Variants in PRORP observed in about 807,000 individuals in gnomAD.
PRORP encodes mitochondrial ribonuclease P catalytic subunit.
PRORP carries 51 observed loss-of-function variants against 59.4 expected under a neutral mutation model. The observed-to-expected ratio is 0.86, with a 90% CI of 0.69 to 1.08. The LOEUF (loss-of-function observed/expected upper bound fraction) is 1.08, where lower values mean the gene tolerates loss of function less well. PRORP is among the 50% of genes least tolerant of loss of function. The probability of loss-of-function intolerance (pLI) is 0.00; values close to 1 mark genes in which losing one functional copy is unlikely to be tolerated. For missense variants in PRORP, 646 were observed against 690.3 expected (o/e 0.94, Z 0.72); for synonymous variants, 231 against 245.6 (o/e 0.94, Z 0.55).
chr14:35,207,638 C>G (rs2049327719), intron 5 of PRORP, among the ~76,000 whole-genome samples: 1 of 152,164 alleles, frequency 6.6e-6, no homozygotes, highest in African/African-American at 2.4e-5. Flanking sequence ...ACAGCTGTCT[C>G]CTTAGATTCT....
At chr14:35,180,476 T>C (rs1176778179) in intron 4 of PRORP, among the ~76,000 whole-genome samples, 194 bp from the exon 5 acceptor site, 4 of 152,138 alleles carry the variant, frequency 2.6e-5, no homozygotes, top group Non-Finnish European at 5.9e-5. Context: ...GATAATTGTA[T>C]GCAGTTGCAT....
intron 5 of PRORP, among the ~76,000 whole-genome samples, chr14:35,217,596 G>GT (rs201853079): frequency 4.0e-5 from 6 of 151,104 alleles, no homozygotes; most frequent in African/African-American, 7.3e-5. Flanking sequence ...TTACATTTAG[G>GT]TTTTTTTTCT....
At chr14:35,146,297 G>A (rs897433039) in intron 4 of PRORP, among the ~76,000 whole-genome samples, 3 of 152,192 alleles carry the variant, frequency 2.0e-5, no homozygotes, top group Non-Finnish European at 4.4e-5. Flanking sequence ...TTAGGGTTAA[G>A]TTTAAAGCAA....
At chr14:35,196,023 T>C (rs1465192319) in intron 5 of PRORP, among the ~76,000 whole-genome samples, 1 of 152,224 alleles carries the variant, frequency 6.6e-6, no homozygotes, top group Non-Finnish European at 1.5e-5. Context: ...AATTGTAAGC[T>C]TCTCCCTAGG....
At chr14:35,216,236 T>C (rs2049590318) in intron 5 of PRORP, among the ~76,000 whole-genome samples, 1 of 148,246 alleles carries the variant, frequency 6.7e-6, no homozygotes, top group South Asian at 2.1e-4. Flanking sequence ...TCCCATAAAA[T>C]TGAGAAAATA....
intron 4 of PRORP, among the ~76,000 whole-genome samples, chr14:35,147,073 G>A (rs2047629884): frequency 6.6e-6 from 1 of 152,078 alleles, no homozygotes. Context: ...ACTCCAGCCT[G>A]GGAGACAGAG....
At chr14:35,170,194 G>T (rs747858625) in intron 4 of PRORP, among the ~76,000 whole-genome samples, 3 of 152,054 alleles carry the variant, frequency 2.0e-5, no homozygotes, top group Non-Finnish European at 4.4e-5. Context: ...CTGTATTAAA[G>T]ATAAGTACAT....
intron 5 of PRORP, among the ~76,000 whole-genome samples, chr14:35,264,711 T>C (rs1322461362): frequency 6.6e-6 from 1 of 151,992 alleles, no homozygotes; most frequent in Admixed American, 6.6e-5. Flanking sequence ...CCAGGCACAG[T>C]GGCTCACGCC....
chr14:35,125,136 C>T (rs1238587601), intron 2 of PRORP, among the ~76,000 whole-genome samples: 1 of 152,096 alleles, frequency 6.6e-6, no homozygotes, highest in African/African-American at 2.4e-5. Context: ...GCTGGGATTA[C>T]AGGCGTGAAC....
At chr14:35,271,761 AC>A (rs1157191872) in intron 7 of PRORP, among the ~76,000 whole-genome samples, 3 of 152,230 alleles carry the variant, frequency 2.0e-5, no homozygotes, top group African/African-American at 7.2e-5. Context: ...GTGATGGCTC[AC>A]ACCTGTAATC....
chr14:35,266,984 A>C (rs1594360107), intron 6 of PRORP, 109 bp downstream of exon 6: 14 of 948,480 alleles, frequency 1.5e-5, no homozygotes, highest in South Asian at 1.2e-4. Context: ...GTGTATACTC[A>C]CCCTCATTAA....
intron 7 of PRORP, among the ~76,000 whole-genome samples, chr14:35,272,818 A>G (rs1415180535): frequency 6.6e-6 from 1 of 152,206 alleles, no homozygotes; most frequent in African/African-American, 2.4e-5. Context: ...TCTCACAGAT[A>G]CTAAAATCCT....
chr14:35,182,274 A>G (rs2048632009), intron 5 of PRORP, among the ~76,000 whole-genome samples: 1 of 152,198 alleles, frequency 6.6e-6, no homozygotes, highest in Non-Finnish European at 1.5e-5. Flanking sequence ...TCAAAAAATA[A>G]AAAGTAAATA....
At chr14:35,244,790 C>G (rs2050445823) in intron 5 of PRORP, among the ~76,000 whole-genome samples, 1 of 152,194 alleles carries the variant, frequency 6.6e-6, no homozygotes, top group African/African-American at 2.4e-5. Context: ...TCTCCTTTCC[C>G]CTGCTAACTT....
intron 4 of PRORP, among the ~76,000 whole-genome samples, chr14:35,164,289 G>A (rs1396248975): frequency 2.6e-5 from 4 of 152,200 alleles, no homozygotes; most frequent in Admixed American, 2.6e-4. Flanking sequence ...ACTGCTGGGT[G>A]TATACCCAAA....
chr14:35,201,382 T>C (rs759077475), intron 5 of PRORP, among the ~76,000 whole-genome samples: 1 of 152,194 alleles, frequency 6.6e-6, no homozygotes. Flanking sequence ...CGTAAATTAT[T>C]TGGAATTCTC....
At chr14:35,255,021 CCA>C in intron 5 of PRORP, among the ~76,000 whole-genome samples, 1 of 152,140 alleles carries the variant, frequency 6.6e-6, no homozygotes. Context: ...CCCTCCTCAC[CCA>C]CAGTCTGATT....
intron 5 of PRORP, among the ~76,000 whole-genome samples, chr14:35,209,511 T>C (rs866412777): frequency 1.3e-5 from 2 of 152,180 alleles, no homozygotes; most frequent in Non-Finnish European, 2.9e-5. Flanking sequence ...AGAAAGTTCT[T>C]AGGATTTTTT....
At chr14:35,202,236 A>G (rs10138507) in intron 5 of PRORP, among the ~76,000 whole-genome samples, 15,630 of 152,084 alleles carry the variant, frequency 0.1, 890 homozygotes, top group African/African-American at 0.15. Flanking sequence ...GATTACAGGC[A>G]TGAGCCACCA....
Sources: gnomAD v4.1 joint callset for allele counts (sites outside exome capture counted in the v4.1 genomes callset) on GRCh38, gnomAD v4.1.1 for gene constraint, MANE v1.5 for transcripts, NCBI Gene and HGNC (gene_info 2026-07-23, HGNC 2026-07-21) for gene names.